The following NECAB1 variants were observed in gnomAD, a reference collection of about 807,000 sequenced individuals.
The protein encoded by NECAB1 is N-terminal EF-hand calcium-binding protein 1.
Under a neutral mutation model 57.5 loss-of-function variants are expected in NECAB1, and 29 were observed. The ratio of observed to expected loss-of-function variants is 0.50; its 90% CI spans 0.38 to 0.69. The LOEUF (loss-of-function observed/expected upper bound fraction) is 0.69. Among genes scored for constraint, NECAB1 ranks in the 30% least tolerant of loss-of-function variants. The pLI is 0.00. For synonymous variants in NECAB1, 142 were observed against 147.7 expected (o/e 0.96, Z 0.28); for missense variants, 372 against 413.8 (o/e 0.90, Z 0.88).
In NECAB1 at chr8:90,869,087, G is replaced by A. The variant is rs543862352; in HGVS notation, c.234-3041G>A. ...TACAGCTCTTGTTGTTACTTCAGAG[G>A]GTGCAAGCCCTAAGCCTTTGCAACT... On this transcript the variant is annotated intron_variant, in intron 3 of 12. Coordinates refer to ENST00000417640, the MANE Select transcript of NECAB1 (RefSeq NM_022351.5). Among the ~76,000 whole-genome samples, 8 of 152,346 alleles carry A rather than the reference G, an allele frequency of 5.3e-5. No homozygotes were observed. The South Asian group carries it at 8.3e-4, about 16-fold the overall frequency.
chr8:90,926,155 A>G (rs1810264215), intron 7 of NECAB1, among the ~76,000 whole-genome samples: 1 of 152,202 alleles, frequency 6.6e-6, no homozygotes, highest in South Asian at 2.1e-4. Flanking sequence ...TTAAATTTTA[A>G]CTGTGTCACT....
At chr8:90,857,508 T>G (rs1812814792) in intron 3 of NECAB1, among the ~76,000 whole-genome samples, 1 of 152,184 alleles carries the variant, frequency 6.6e-6, no homozygotes, top group Non-Finnish European at 1.5e-5. Context: ...CAAAAATTTG[T>G]AAATGTATGA....
Position 90,796,303 on chromosome 8 carries a change from C to T in NECAB1, c.99+4318C>T, listed in dbSNP as rs115057400. On this transcript the variant is annotated intron_variant, in intron 1 of 12. Transcript: ENST00000417640. Reference sequence around the variant, plus strand: ...ACCAGGCATTCTAATGGGAGAGACTCCTGCCGACCCTGTGTGGTGGGACTC... The same window carrying T: ...ACCAGGCATTCTAATGGGAGAGACTTCTGCCGACCCTGTGTGGTGGGACTC... 3.6e-3 allele frequency among the ~76,000 whole-genome samples: 554 copies of T among 152,252 alleles called. 4 individuals are homozygous for T. The highest frequency in any genetic ancestry group is 0.013 in the African/African-American group (532 of 41,526).
chr8:90,834,833 CT>C (rs1474891353), intron 3 of NECAB1, among the ~76,000 whole-genome samples: 7 of 152,070 alleles, frequency 4.6e-5, no homozygotes, highest in Admixed American at 4.6e-4. Context: ...ATGGAAAACT[CT>C]TGCTTTTAGA....
chr8:90,931,460 G>GCC (rs1418160425), intron 8 of NECAB1, among the ~76,000 whole-genome samples: 1 of 152,162 alleles, frequency 6.6e-6, no homozygotes, highest in Non-Finnish European at 1.5e-5. Flanking sequence ...CTGAAACCAA[G>GCC]CCCTATTCTA....
At chr8:90,920,125 C>T (rs1269171620) in intron 6 of NECAB1, among the ~76,000 whole-genome samples, 1 of 152,132 alleles carries the variant, frequency 6.6e-6, no homozygotes, top group African/African-American at 2.4e-5. Context: ...TCAAAAACAG[C>T]TTCAAATAAT....
At chr8:90,888,436 G>T (rs1809066652) in intron 5 of NECAB1, among the ~76,000 whole-genome samples, 1 of 152,166 alleles carries the variant, frequency 6.6e-6, no homozygotes, top group African/African-American at 2.4e-5. Context: ...CACAGTATGT[G>T]ATTCCTTCTG....
At chr8:90,861,358 A>G (rs1315770909) in intron 3 of NECAB1, among the ~76,000 whole-genome samples, 1 of 152,208 alleles carries the variant, frequency 6.6e-6, no homozygotes, top group Non-Finnish European at 1.5e-5. Flanking sequence ...TCTTTCAAAG[A>G]AGCATGCATG....
At chr8:90,939,598 A>G (rs1356621893) in intron 9 of NECAB1, among the ~76,000 whole-genome samples, 1 of 152,220 alleles carries the variant, frequency 6.6e-6, no homozygotes, top group African/African-American at 2.4e-5. Flanking sequence ...TTTCCTAATT[A>G]TCTGAGTTAG....
At chr8:90,852,612 C>G (rs1278956058) in intron 3 of NECAB1, among the ~76,000 whole-genome samples, 1 of 152,172 alleles carries the variant, frequency 6.6e-6, no homozygotes, top group Non-Finnish European at 1.5e-5. Context: ...TGTAAAGACC[C>G]CAGACTCAGC....
At chr8:90,908,555 A>G (rs1809751197) in intron 5 of NECAB1, among the ~76,000 whole-genome samples, 4 of 152,106 alleles carry the variant, frequency 2.6e-5, no homozygotes, top group Admixed American at 2.6e-4. Flanking sequence ...TACAGCCCCT[A>G]TCTGTCTACT....
At chr8:90,830,222 C>CA (rs1812281350) in intron 3 of NECAB1, among the ~76,000 whole-genome samples, 1 of 152,044 alleles carries the variant, frequency 6.6e-6, no homozygotes, top group Non-Finnish European at 1.5e-5. Flanking sequence ...AAGCTTATTG[C>CA]AATTCCAATA....
chr8:90,906,620 A>G (rs1236615763), intron 5 of NECAB1, among the ~76,000 whole-genome samples: 1 of 152,078 alleles, frequency 6.6e-6, no homozygotes, highest in African/African-American at 2.4e-5. Context: ...TTTGTTGTAC[A>G]TTCAAATAAT....
intron 6 of NECAB1, among the ~76,000 whole-genome samples, chr8:90,924,698 T>C (rs1810216528): frequency 6.6e-6 from 1 of 152,152 alleles, no homozygotes; most frequent in Admixed American, 6.6e-5. Flanking sequence ...CATGTTCACA[T>C]TCCAACCAGG....
intron 5 of NECAB1, among the ~76,000 whole-genome samples, chr8:90,892,773 T>A (rs1809218058): frequency 6.6e-6 from 1 of 152,166 alleles, no homozygotes; most frequent in Non-Finnish European, 1.5e-5. Flanking sequence ...CAGACCATGC[T>A]CCATCCTGCT....
At chr8:90,871,126 T>C (rs1404547042) in intron 3 of NECAB1, among the ~76,000 whole-genome samples, 2 of 152,314 alleles carry the variant, frequency 1.3e-5, no homozygotes, top group East Asian at 3.9e-4. Context: ...TTAGGAAGAA[T>C]ATTTACATTG....
intron 3 of NECAB1, among the ~76,000 whole-genome samples, chr8:90,865,100 A>T (rs967981069): frequency 2.6e-5 from 4 of 152,174 alleles, no homozygotes; most frequent in Non-Finnish European, 5.9e-5. Flanking sequence ...AGGGCGGAGC[A>T]GAACAAGCAT....
chr8:90,920,692 C>T (rs1158616478), intron 6 of NECAB1, among the ~76,000 whole-genome samples: 1 of 152,204 alleles, frequency 6.6e-6, no homozygotes, highest in Non-Finnish European at 1.5e-5. Flanking sequence ...CTTCACTGCT[C>T]ATTTATACTT....
intron 1 of NECAB1, among the ~76,000 whole-genome samples, chr8:90,794,371 A>G (rs1811625971): frequency 6.6e-6 from 1 of 152,186 alleles, no homozygotes; most frequent in Admixed American, 6.5e-5. Context: ...TTATCTTCAT[A>G]TTATAATACA....
Sources: allele counts gnomAD v4.1 joint callset (sites outside exome capture counted in the v4.1 genomes callset), GRCh38; gene constraint gnomAD v4.1.1; transcripts MANE v1.5; gene names NCBI Gene and HGNC (gene_info 2026-07-23, HGNC 2026-07-21).